Variants in SERPINB7 observed in about 807,000 individuals in gnomAD.
SERPINB7 encodes serpin B7.
In SERPINB7, 31 loss-of-function variants were observed where a neutral mutation model predicts 37.4. The ratio of observed to expected loss-of-function variants is 0.83; its 90% CI spans 0.62 to 1.12. The LOEUF is 1.12. SERPINB7 is among the 50% of genes most tolerant of loss of function. The pLI is 0.00. For missense variants in SERPINB7, 521 were observed against 455.3 expected (o/e 1.14, Z -1.31); for synonymous variants, 163 against 166.1 (o/e 0.98, Z 0.14).
chr18:63,776,390 A>C (rs568372847), intron 1 of SERPINB7, among the ~76,000 whole-genome samples: 57 of 151,964 alleles, frequency 3.8e-4, no homozygotes, highest in Non-Finnish European at 6.6e-4. Flanking sequence ...ATTAAAAAAC[A>C]GTTTTGTCTG....
intron 1 of SERPINB7, among the ~76,000 whole-genome samples, chr18:63,760,540 G>C (rs1332714840): frequency 2.0e-5 from 3 of 152,172 alleles, no homozygotes; most frequent in Non-Finnish European, 4.4e-5. Flanking sequence ...AAGATCATAG[G>C]GAAAATGTCT....
intron 1 of SERPINB7, among the ~76,000 whole-genome samples, chr18:63,779,570 A>G (rs1034408208): frequency 3.9e-5 from 6 of 152,110 alleles, no homozygotes; most frequent in African/African-American, 1.4e-4. Context: ...TATCATTTTA[A>G]GAGTTATGAC....
At chr18:63,778,233 C>G (rs1368240810) in intron 1 of SERPINB7, 1 of 152,008 alleles carries the variant, frequency 6.6e-6, no homozygotes, top group Non-Finnish European at 1.5e-5. Context: ...GAATTGAACT[C>G]TTTTAAGTGC....
intron 2 of SERPINB7, among the ~76,000 whole-genome samples, chr18:63,783,274 GAAAGAAAGA>G (rs1243772411): frequency 2.7e-5 from 4 of 149,426 alleles, no homozygotes; most frequent in Non-Finnish European, 4.5e-5. Flanking sequence ...AAGAAAGAAA[GAAAGAAAGA>G]AAGAAAGAAA....
chr18:63,792,338 A>G (rs956789440), intron 2 of SERPINB7, 55 bp from the exon 3 acceptor site: 2 of 1,275,056 alleles, frequency 1.6e-6, no homozygotes, highest in Non-Finnish European at 2.3e-6. Flanking sequence ...CCTCTTGCAA[A>G]CTGTTCTCGT....
chr18:63,799,626 T>C (rs1033508388), intron 6 of SERPINB7, among the ~76,000 whole-genome samples: 8 of 152,136 alleles, frequency 5.3e-5, no homozygotes, highest in Non-Finnish European at 1.0e-4. Flanking sequence ...ATAACCCAGA[T>C]GTGTGATTCT....
intron 4 of SERPINB7, among the ~76,000 whole-genome samples, chr18:63,794,434 T>C (rs1055400089): frequency 4.6e-5 from 7 of 151,040 alleles, no homozygotes. Flanking sequence ...CTCACGCCTG[T>C]AATCCCAGCA....
chr18:63,797,963 A>T (rs1263375422), intron 5 of SERPINB7, among the ~76,000 whole-genome samples: 1 of 152,236 alleles, frequency 6.6e-6, no homozygotes, highest in Non-Finnish European at 1.5e-5. Context: ...TAAAGCAGAT[A>T]GCCACAGAAA....
At chr18:63,774,243 C>T (rs1053982785), upstream of SERPINB7, among the ~76,000 whole-genome samples, 2 of 151,966 alleles carry the variant, frequency 1.3e-5, no homozygotes, top group Admixed American at 6.6e-5. Flanking sequence ...CTACTTTATT[C>T]GATTTTGGAT....
chr18:63,771,087 T>C (rs760554873), upstream of SERPINB7, among the ~76,000 whole-genome samples: 1 of 151,784 alleles, frequency 6.6e-6, no homozygotes, highest in Non-Finnish European at 1.5e-5. Context: ...GCTTTAGGAA[T>C]GGGGATAATG....
chr18:63,764,459 G>C (rs1210070110), intron 1 of SERPINB7, among the ~76,000 whole-genome samples: 3 of 152,130 alleles, frequency 2.0e-5, no homozygotes, highest in Non-Finnish European at 4.4e-5. Flanking sequence ...GCTGAGTGGA[G>C]AGTCAAGAGG....
chr18:63,777,053 A>G (rs1461412414), intron 1 of SERPINB7, among the ~76,000 whole-genome samples: 1 of 152,084 alleles, frequency 6.6e-6, no homozygotes, highest in Non-Finnish European at 1.5e-5. Flanking sequence ...TGTGGGAAAT[A>G]ATGTGTAAGA....
chr18:63,760,713 G>A (rs1240315587), intron 1 of SERPINB7, among the ~76,000 whole-genome samples: 1 of 152,222 alleles, frequency 6.6e-6, no homozygotes, highest in Non-Finnish European at 1.5e-5. Context: ...GCTGAAAGGG[G>A]CCAATGTACA....
intron 1 of SERPINB7, among the ~76,000 whole-genome samples, chr18:63,755,595 T>C (rs2049117411): frequency 6.6e-6 from 1 of 152,144 alleles, no homozygotes; most frequent in Admixed American, 6.5e-5. Context: ...TGAAGAATAT[T>C]TTAAGTCCCT....
Position 63,763,023 on chromosome 18 carries a change from G to A in SERPINB7, c.-19+9903G>A, listed in dbSNP as rs144316300. Reference sequence around the variant, plus strand: ...TTTAGATTACCTCAGTAAAAGGGGGGTTTCAGCTACTATAGTGTAGCATAA... The same window carrying A: ...TTTAGATTACCTCAGTAAAAGGGGGATTTCAGCTACTATAGTGTAGCATAA... On this transcript the variant is annotated intron_variant, in intron 1 of 7. Coordinates refer to the SERPINB7 transcript ENST00000336429. 5.3e-4 allele frequency among the ~76,000 whole-genome samples: 81 copies of A among 152,204 alleles called. No homozygotes were observed. The East Asian group carries it at 0.012, about 23-fold the overall frequency.
At chr18:63,782,683 T>A in intron 2 of SERPINB7, 143 bp downstream of exon 2, 1 of 753,988 alleles carries the variant, frequency 1.3e-6, no homozygotes, top group Non-Finnish European at 2.1e-6. Context: ...AGGCCCTCTT[T>A]GGGTGTGAAG....
At chr18:63,794,083 A>T (rs2049458768) in intron 4 of SERPINB7, among the ~76,000 whole-genome samples, 1 of 145,718 alleles carries the variant, frequency 6.9e-6, no homozygotes, top group African/African-American at 2.5e-5. Flanking sequence ...AGCTGGGATT[A>T]CAGGCACGTG....
intron 1 of SERPINB7, among the ~76,000 whole-genome samples, chr18:63,756,939 TACCTTTTCCTATTTCAATCGCTATC>T (rs2049125975): frequency 6.6e-6 from 1 of 152,096 alleles, no homozygotes; most frequent in African/African-American, 2.4e-5. Context: ...TCAAATTCTA[TACCTTTTCCTATTTCAATCGCTATC>T]ACCATTTTTG....
At chr18:63,777,539 T>G (rs2049260616) in intron 1 of SERPINB7, among the ~76,000 whole-genome samples, 1 of 152,134 alleles carries the variant, frequency 6.6e-6, no homozygotes, top group African/African-American at 2.4e-5. Flanking sequence ...TATGTGATAC[T>G]AAATATCAAA....
Sources: gnomAD v4.1 joint callset for allele counts (sites outside exome capture counted in the v4.1 genomes callset) on GRCh38, gnomAD v4.1.1 for gene constraint, MANE v1.5 for transcripts, NCBI Gene and HGNC (gene_info 2026-07-23, HGNC 2026-07-21) for gene names.